DLC1: variants seen among roughly 807,000 people sequenced by gnomAD.
DLC1 encodes the protein rho GTPase-activating protein 7.
Under a neutral mutation model 140.3 loss-of-function variants are expected in DLC1, and 54 were observed. The observed-to-expected ratio is 0.38, with a 90% CI of 0.31 to 0.48. DLC1 has a LOEUF of 0.48. Among genes scored for constraint, DLC1 ranks in the 20% least tolerant of loss-of-function variants. The pLI is 0.96. For synonymous variants in DLC1, 986 were observed against 728.1 expected, an observed-to-expected ratio of 1.35 and a Z score of -5.70; for missense variants, 2,536 against 1,907.0, an observed-to-expected ratio of 1.33 and a Z score of -6.14.
intron 2 of DLC1, among the ~76,000 whole-genome samples, chr8:13,438,971 A>T (rs1477326549): frequency 6.6e-6 from 1 of 152,206 alleles, no homozygotes; most frequent in Non-Finnish European, 1.5e-5. Flanking sequence ...CGGTGCAAAA[A>T]CAGCCATAGA....
At chr8:13,157,414 C>G (rs1824331350) in intron 5 of DLC1, among the ~76,000 whole-genome samples, 1 of 152,146 alleles carries the variant, frequency 6.6e-6, no homozygotes, top group Non-Finnish European at 1.5e-5. Flanking sequence ...AAGAGAGAGC[C>G]TGCTAATGCA....
chr8:13,321,536 C>CAA (rs1486480504), intron 4 of DLC1, among the ~76,000 whole-genome samples: 12 of 6,012 alleles, frequency 2.0e-3, no homozygotes, highest in African/African-American at 3.6e-3. Context: ...GACTCAGTCT[C>CAA]AAAAAAGAAA....
At chr8:13,317,662 G>A (rs539683656) in intron 4 of DLC1, among the ~76,000 whole-genome samples, 143 of 152,178 alleles carry the variant, frequency 9.4e-4, no homozygotes, top group African/African-American at 3.1e-3. Flanking sequence ...GGGGTAGGGA[G>A]GGCCTGAATT....
intron 2 of DLC1, among the ~76,000 whole-genome samples, chr8:13,407,441 G>T (rs147592232): frequency 6.6e-6 from 1 of 152,134 alleles, no homozygotes; most frequent in African/African-American, 2.4e-5. Flanking sequence ...CAGTTGGGGA[G>T]GAGGTGCAAA....
chr8:13,482,750 A>G (rs559135548), intron 2 of DLC1, among the ~76,000 whole-genome samples: 2 of 152,346 alleles, frequency 1.3e-5, no homozygotes, highest in African/African-American at 4.8e-5. Context: ...TTATTGTGAC[A>G]TAAGATCATG....
chr8:13,391,481 C>T (rs944069297), intron 4 of DLC1, among the ~76,000 whole-genome samples: 2 of 151,736 alleles, frequency 1.3e-5, no homozygotes, highest in Admixed American at 6.6e-5. Context: ...TTCTTAATTG[C>T]GATTGTGGGG....
chr8:13,580,966 T>C (rs1585299335), intron 1 of DLC1, among the ~76,000 whole-genome samples: 1 of 152,210 alleles, frequency 6.6e-6, no homozygotes, highest in Non-Finnish European at 1.5e-5. Flanking sequence ...CCACCAGTAC[T>C]GAACTAAGGG....
intron 5 of DLC1, among the ~76,000 whole-genome samples, chr8:13,160,436 A>T (rs1260036163): frequency 1.3e-5 from 2 of 152,118 alleles, no homozygotes; most frequent in Admixed American, 1.3e-4. Context: ...TGATTTAAAG[A>T]CTTGTAATGT....
chr8:13,495,495 G>C (rs1801459495), intron 2 of DLC1, among the ~76,000 whole-genome samples: 1 of 152,044 alleles, frequency 6.6e-6, no homozygotes, highest in South Asian at 2.1e-4. Context: ...CTCACAATTT[G>C]TTTGGTTTTC....
intron 1 of DLC1, among the ~76,000 whole-genome samples, chr8:13,526,102 C>A (rs575713374): frequency 6.6e-6 from 1 of 152,234 alleles, no homozygotes; most frequent in East Asian, 1.9e-4. Flanking sequence ...TTCTTTGCAC[C>A]TTTAACAAAA....
chr8:13,504,391 T>C (rs534455790), intron 1 of DLC1, among the ~76,000 whole-genome samples: 1 of 152,240 alleles, frequency 6.6e-6, no homozygotes, highest in East Asian at 1.9e-4. Flanking sequence ...TCCCAAACTG[T>C]TGGGATCACA....
At chr8:13,383,903 C>A (rs1036127658) in intron 4 of DLC1, among the ~76,000 whole-genome samples, 1 of 152,148 alleles carries the variant, frequency 6.6e-6, no homozygotes, top group Non-Finnish European at 1.5e-5. Flanking sequence ...TGCAGCCTCA[C>A]GAAAGACCCA....
chr8:13,416,823 C>A (rs1159494149), intron 2 of DLC1, among the ~76,000 whole-genome samples: 1 of 152,068 alleles, frequency 6.6e-6, no homozygotes, highest in African/African-American at 2.4e-5. Flanking sequence ...GGGAACCTGC[C>A]CTTTGTAAAT....
chr8:13,336,280 C>T (rs1306034999), intron 4 of DLC1, among the ~76,000 whole-genome samples: 1 of 151,770 alleles, frequency 6.6e-6, no homozygotes. Flanking sequence ...TGCTTGACCC[C>T]AAGACACTGT....
chr8:13,248,198 A>C (rs1251385400), intron 5 of DLC1, among the ~76,000 whole-genome samples: 1 of 151,946 alleles, frequency 6.6e-6, no homozygotes, highest in Non-Finnish European at 1.5e-5. Context: ...TTCTCTTCCC[A>C]GCCCCTTTCT....
intron 1 of DLC1, among the ~76,000 whole-genome samples, chr8:13,573,600 C>T (rs956743718): frequency 6.6e-6 from 1 of 152,154 alleles, no homozygotes; most frequent in Non-Finnish European, 1.5e-5. Flanking sequence ...TCATATATGG[C>T]ATTTTCATGT....
At chr8:13,590,077 A>ATATATATATATATATATATCTCTC (rs11272767) in intron 1 of DLC1, among the ~76,000 whole-genome samples, 3 of 145,192 alleles carry the variant, frequency 2.1e-5, no homozygotes, top group Admixed American at 6.7e-5. Flanking sequence ...ATATATATAT[A>ATATATATATATATATATATCTCTC]CAAACACATG....
chr8:13,455,007 C>T (rs992678143), intron 2 of DLC1, among the ~76,000 whole-genome samples: 3 of 151,888 alleles, frequency 2.0e-5, no homozygotes, highest in East Asian at 1.9e-4. Flanking sequence ...TCTCCATGTG[C>T]CAAGTGCCTG....
At chr8:13,268,439 C>G (rs377023312) in intron 5 of DLC1, among the ~76,000 whole-genome samples, 1 of 152,016 alleles carries the variant, frequency 6.6e-6, no homozygotes, top group African/African-American at 2.4e-5. Context: ...CTCAGTCTCC[C>G]GAGTAGCTGG....
Sources: gnomAD v4.1 joint callset for allele counts (sites outside exome capture counted in the v4.1 genomes callset) on GRCh38, gnomAD v4.1.1 for gene constraint, MANE v1.5 for transcripts, NCBI Gene and HGNC (gene_info 2026-07-23, HGNC 2026-07-21) for gene names.